Variants in PEAK1 observed in about 807,000 individuals in gnomAD.
PEAK1 encodes the protein inactive tyrosine-protein kinase PEAK1.
A neutral mutation model predicts 124.7 loss-of-function variants in PEAK1; 54 were observed. That is an observed-to-expected ratio of 0.43 (90% CI 0.35 to 0.54). PEAK1 has a LOEUF of 0.54. Ranked by LOEUF, PEAK1 falls within the 20% of genes least tolerant of loss-of-function variation. The pLI is 0.01. For synonymous variants in PEAK1, 719 were observed against 760.0 expected (o/e 0.95, Z 0.89); for missense variants, 2,046 against 2,134.5 (o/e 0.96, Z 0.82).
intron 2 of PEAK1, among the ~76,000 whole-genome samples, chr15:77,354,161 AC>A (rs1383874392): frequency 1.3e-5 from 2 of 152,332 alleles, no homozygotes; most frequent in East Asian, 3.9e-4. Context: ...TCTCAGAGAA[AC>A]ATCAAACTAA....
At chr15:77,312,419 C>T (rs754889790) in intron 2 of PEAK1, among the ~76,000 whole-genome samples, 6 of 152,208 alleles carry the variant, frequency 3.9e-5, no homozygotes, top group Non-Finnish European at 7.3e-5. Flanking sequence ...GAGGCTTACA[C>T]ATGGTAGGTC....
chr15:77,252,487 T>C lies in PEAK1; in HGVS notation c.-235A>G, dbSNP rs763165700. On this transcript the variant is annotated 5_prime_UTR_variant, in exon 6 of 10. Transcript: ENST00000682557. ...TTCCAAGATGAATGTCCTTTCTTCCTTGCCTCTCATTCCTTAATTTCTGAA... is the reference window on the plus strand; with the variant it reads ...TTCCAAGATGAATGTCCTTTCTTCCCTGCCTCTCATTCCTTAATTTCTGAA... 3.2e-4 allele frequency: 319 copies of C among 984,964 alleles called. No individual in the cohort carries two copies. The highest frequency in any genetic ancestry group is 3.8e-4 in the Non-Finnish European group (313 of 829,636). 61.0% of individuals were successfully genotyped at this position (984,964 alleles called of 1,614,324 possible). A position where few individuals can be genotyped will look rare whatever the true frequency, so the allele number is the denominator to read the frequency against.
intron 9 of PEAK1, among the ~76,000 whole-genome samples, chr15:77,120,839 C>A (rs1391315422): frequency 6.6e-6 from 1 of 152,196 alleles, no homozygotes; most frequent in African/African-American, 2.4e-5. Context: ...ATTGAGCTAT[C>A]TGCAGCCGGC....
intron 3 of PEAK1, among the ~76,000 whole-genome samples, chr15:77,286,135 A>G (rs1380455186): frequency 6.6e-6 from 1 of 152,184 alleles, no homozygotes; most frequent in Non-Finnish European, 1.5e-5. Context: ...GTAGTCATTC[A>G]GGAGCAGGCT....
intron 6 of PEAK1, among the ~76,000 whole-genome samples, chr15:77,218,300 T>A (rs750369004): frequency 3.3e-5 from 5 of 152,168 alleles, no homozygotes; most frequent in African/African-American, 4.8e-5. Context: ...ATATTAAAGT[T>A]TCCCCATTAC....
chr15:77,406,476 T>C (rs1003646098), intron 1 of PEAK1, among the ~76,000 whole-genome samples: 7 of 152,226 alleles, frequency 4.6e-5, no homozygotes, highest in Admixed American at 6.5e-5. Context: ...AGCACTGCTA[T>C]ATACCAACAG....
chr15:77,398,826 C>T (rs1434876935), intron 1 of PEAK1, among the ~76,000 whole-genome samples: 1 of 152,074 alleles, frequency 6.6e-6, no homozygotes, highest in African/African-American at 2.4e-5. Context: ...GTCAAATTAT[C>T]ATTGTTTGTA....
At chr15:77,104,627 C>T (rs1273051695), downstream of PEAK1, 1 of 152,288 alleles carries the variant, frequency 6.6e-6, no homozygotes, top group African/African-American at 2.4e-5. Flanking sequence ...GACACAGACT[C>T]AGCAATTGGA....
At chr15:77,226,597 G>A (rs1239834619) in intron 6 of PEAK1, among the ~76,000 whole-genome samples, 1 of 152,040 alleles carries the variant, frequency 6.6e-6, no homozygotes, top group East Asian at 1.9e-4. Flanking sequence ...TAAAAACTTG[G>A]AGGAAAGTTC....
At chr15:77,191,533 C>A (rs541931547) in intron 6 of PEAK1, among the ~76,000 whole-genome samples, 1 of 152,234 alleles carries the variant, frequency 6.6e-6, no homozygotes, top group South Asian at 2.1e-4. Flanking sequence ...GCCTTGTAAA[C>A]CTGTTTAAGA....
At chr15:77,163,770 T>C (rs2055864680) in intron 7 of PEAK1, among the ~76,000 whole-genome samples, 1 of 152,176 alleles carries the variant, frequency 6.6e-6, no homozygotes, top group Admixed American at 6.5e-5. Context: ...GGACAAATGT[T>C]ATTCTGAATT....
intron 8 of PEAK1, among the ~76,000 whole-genome samples, chr15:77,140,229 C>A (rs985293046): frequency 2.0e-5 from 3 of 152,258 alleles, no homozygotes; most frequent in African/African-American, 7.2e-5. Flanking sequence ...GGAAGGAATG[C>A]TTCCCAACTT....
chr15:77,123,684 GT>G (rs2052121075), intron 9 of PEAK1, among the ~76,000 whole-genome samples: 4 of 152,184 alleles, frequency 2.6e-5, no homozygotes, highest in Non-Finnish European at 4.4e-5. Flanking sequence ...TGAGGATTAT[GT>G]ACTTGGTCAG....
At chr15:77,174,234 TC>T (rs2056702573) in intron 7 of PEAK1, among the ~76,000 whole-genome samples, 1 of 152,226 alleles carries the variant, frequency 6.6e-6, no homozygotes, top group African/African-American at 2.4e-5. Context: ...TCTATAAAGT[TC>T]CTCATCTTTC....
intron 6 of PEAK1, among the ~76,000 whole-genome samples, chr15:77,211,237 T>TA (rs970122272): frequency 6.6e-6 from 1 of 152,220 alleles, no homozygotes; most frequent in Non-Finnish European, 1.5e-5. Flanking sequence ...TCCCTAGTGT[T>TA]ACAGCATATT....
At chr15:77,327,570 G>A (rs2065651130) in intron 2 of PEAK1, among the ~76,000 whole-genome samples, 1 of 151,840 alleles carries the variant, frequency 6.6e-6, no homozygotes, top group African/African-American at 2.4e-5. Context: ...AAGCATTAGT[G>A]GAACATTATA....
chr15:77,419,804 A>G (rs1210902722), intron 1 of PEAK1, among the ~76,000 whole-genome samples: 1 of 147,644 alleles, frequency 6.8e-6, no homozygotes, highest in Non-Finnish European at 1.5e-5. Context: ...CCGGGGAGCT[A>G]GAGCCCGCGC....
At chr15:77,243,867 C>CT (rs1261131520) in intron 6 of PEAK1, among the ~76,000 whole-genome samples, 1 of 152,074 alleles carries the variant, frequency 6.6e-6, no homozygotes, top group Non-Finnish European at 1.5e-5. Flanking sequence ...ACTCGGGAGG[C>CT]TGAGGCAGGA....
intron 1 of PEAK1, among the ~76,000 whole-genome samples, chr15:77,371,798 G>C (rs1193606991): frequency 6.6e-6 from 1 of 152,246 alleles, no homozygotes; most frequent in Non-Finnish European, 1.5e-5. Flanking sequence ...TGAGACAGGA[G>C]AATTGCTTGA....
Sources: gnomAD v4.1 joint callset for allele counts (sites outside exome capture counted in the v4.1 genomes callset) on GRCh38, gnomAD v4.1.1 for gene constraint, MANE v1.5 for transcripts, NCBI Gene and HGNC (gene_info 2026-07-23, HGNC 2026-07-21) for gene names.